The following CTTNBP2 variants were observed in gnomAD, a reference collection of about 807,000 sequenced individuals.
The protein encoded by CTTNBP2 is cortactin-binding protein 2.
A neutral mutation model predicts 156.9 loss-of-function variants in CTTNBP2; 108 were observed. That is an observed-to-expected ratio of 0.69 (90% confidence interval 0.59 to 0.81). The LOEUF (loss-of-function observed/expected upper bound fraction) is 0.81, where lower values mean the gene tolerates loss of function less well. CTTNBP2 is among the 30% of genes least tolerant of loss of function. The pLI is 0.00. For missense variants in CTTNBP2, 1,924 were observed against 2,035.4 expected (o/e 0.95, Z 1.05); for synonymous variants, 767 against 751.8 (o/e 1.02, Z -0.33).
rs117722492 is a variant in CTTNBP2 at position 117,832,269 on chromosome 7, G to A, written c.190-21280C>T. Among the ~76,000 whole-genome samples, 1,033 of 152,034 alleles carry A rather than the reference G, an allele frequency of 6.8e-3. 6 individuals carry two copies. Among genetic ancestry groups the A allele is most frequent in the Non-Finnish European group, 0.011 (772 of 67,992 alleles). ...TTAACCCCTCCTCTCCATCCCAGCCGCCACCATGCAACTCTATCCCTCAGC... is the reference window on the plus strand; with the variant it reads ...TTAACCCCTCCTCTCCATCCCAGCCACCACCATGCAACTCTATCCCTCAGC... On this transcript the variant is annotated intron_variant, in intron 2 of 22. Transcript: ENST00000160373.
chr7:117,734,893 C>T lies in CTTNBP2; in HGVS notation c.3876+20G>A. 1.3e-6 allele frequency: 2 copies of T among 1,560,988 alleles called. No individual in the cohort carries two copies. Among genetic ancestry groups the T allele is most frequent in the African/African-American group, 1.4e-5 (1 of 73,522 alleles). ...AAACCCCTGCTCTCCTGGCAACAGG[C>T]TGCACTTGCTGTTTGTTACCTTATT... is the stretch of plus-strand genomic sequence containing the variant. On this transcript the variant is annotated intron_variant, in intron 16 of 22. Transcript: ENST00000160373.
intron 2 of CTTNBP2, among the ~76,000 whole-genome samples, chr7:117,830,579 C>T (rs1801538715): frequency 6.6e-6 from 1 of 152,164 alleles, no homozygotes; most frequent in African/African-American, 2.4e-5. Flanking sequence ...AATTAGAAAG[C>T]CAAATACATA....
At chr7:117,854,803 G>C (rs1803176367) in intron 2 of CTTNBP2, among the ~76,000 whole-genome samples, 1 of 150,962 alleles carries the variant, frequency 6.6e-6, no homozygotes, top group Admixed American at 6.6e-5. Flanking sequence ...TTTATTTTTT[G>C]AGACAGAGTC....
At chr7:117,712,937 G>A (rs1301486005) in intron 22 of CTTNBP2, among the ~76,000 whole-genome samples, 1 of 152,170 alleles carries the variant, frequency 6.6e-6, no homozygotes, top group African/African-American at 2.4e-5. Context: ...CCAGTCCATG[G>A]CCTATTAATA....
chr7:117,797,417 T>C (rs1353878417), intron 3 of CTTNBP2, among the ~76,000 whole-genome samples: 1 of 152,060 alleles, frequency 6.6e-6, no homozygotes, highest in East Asian at 1.9e-4. Context: ...CAGTATACAA[T>C]AAGAAATTAC....
chr7:117,740,428 T>C (rs1259240010), intron 14 of CTTNBP2, among the ~76,000 whole-genome samples: 1 of 152,170 alleles, frequency 6.6e-6, no homozygotes, highest in Non-Finnish European at 1.5e-5. Flanking sequence ...CTGTGCTCAG[T>C]GGAAGACAGA....
intron 3 of CTTNBP2, among the ~76,000 whole-genome samples, chr7:117,799,829 G>C (rs1034493254): frequency 6.6e-6 from 1 of 151,998 alleles, no homozygotes; most frequent in African/African-American, 2.4e-5. Flanking sequence ...AGAATACAAT[G>C]TGAACATACA....
chr7:117,778,482 C>T (rs1234840425), intron 7 of CTTNBP2, among the ~76,000 whole-genome samples: 1 of 152,098 alleles, frequency 6.6e-6, no homozygotes, highest in Non-Finnish European at 1.5e-5. Context: ...AATAGAAGTC[C>T]TTTTTAGGGC....
chr7:117,798,662 T>A (rs1799452451), intron 3 of CTTNBP2, among the ~76,000 whole-genome samples: 1 of 152,034 alleles, frequency 6.6e-6, no homozygotes, highest in Non-Finnish European at 1.5e-5. Flanking sequence ...TCATCCTAGT[T>A]TCACCTTAAG....
rs182514728 is a variant in CTTNBP2 at position 117,823,494 on chromosome 7, C to T, written c.190-12505G>A. 7.5e-4 allele frequency among the ~76,000 whole-genome samples: 114 copies of T among 152,140 alleles called. 1 individual carries two copies. The highest frequency in any genetic ancestry group is 2.6e-3 in the African/African-American group (108 of 41,526). The stretch of plus-strand genomic sequence containing the variant: ...TATATTTGGTAATATCCTCACTTGC[C>T]TAATTTTCTTTGTATTTATTTTATC... On this transcript the variant is annotated intron_variant, in intron 2 of 22. Coordinates refer to ENST00000160373, the MANE Select transcript of CTTNBP2 (RefSeq NM_033427.3).
intron 5 of CTTNBP2, among the ~76,000 whole-genome samples, chr7:117,784,034 A>T (rs1160448055): frequency 6.6e-6 from 1 of 152,216 alleles, no homozygotes; most frequent in Non-Finnish European, 1.5e-5. Flanking sequence ...ATTACTTTTT[A>T]CTAGCTCTGG....
chr7:117,781,606 C>T lies in CTTNBP2; in HGVS notation c.2373-1015G>A, dbSNP rs571856710. On this transcript the variant is annotated intron_variant, in intron 6 of 22. Transcript: ENST00000160373. The stretch of plus-strand genomic sequence containing the variant: ...ACAAAAAATTATCTGGGTGTGGTGG[C>T]GTACACCTGTAGTCCCAGCTACTCG... 4.6e-4 allele frequency among the ~76,000 whole-genome samples: 70 copies of T among 152,256 alleles called. 1 individual carries two copies. The highest frequency in any genetic ancestry group is 5.0e-4 in the Non-Finnish European group (34 of 68,014).
intron 1 of CTTNBP2, among the ~76,000 whole-genome samples, chr7:117,872,871 T>TCC (rs1385488606): frequency 1.3e-5 from 2 of 151,628 alleles, no homozygotes; most frequent in Non-Finnish European, 2.9e-5. Context: ...ATGGCCCACC[T>TCC]CCCCCAAGCT....
intron 12 of CTTNBP2, among the ~76,000 whole-genome samples, chr7:117,749,586 G>C (rs990089249): frequency 3.3e-5 from 5 of 152,176 alleles, no homozygotes; most frequent in Admixed American, 1.3e-4. Flanking sequence ...AGGACCCGCA[G>C]TCTTCAGATG....
intron 19 of CTTNBP2, among the ~76,000 whole-genome samples, chr7:117,721,581 T>C (rs1432308032): frequency 6.6e-6 from 1 of 152,278 alleles, no homozygotes; most frequent in Non-Finnish European, 1.5e-5. Flanking sequence ...TAGTTTTTGA[T>C]ATGTGGCATT....
chr7:117,780,902 G>T (rs1173124208), intron 6 of CTTNBP2, among the ~76,000 whole-genome samples: 2 of 152,150 alleles, frequency 1.3e-5, no homozygotes, highest in Non-Finnish European at 1.5e-5. Context: ...AACTTACTGG[G>T]ATGAACGGTT....
intron 2 of CTTNBP2, among the ~76,000 whole-genome samples, chr7:117,846,820 T>C (rs182995211): frequency 1.6e-4 from 25 of 152,216 alleles, no homozygotes; most frequent in African/African-American, 5.8e-4. Context: ...TTCTTAAACA[T>C]TGTGACTTTT....
At chr7:117,775,339 T>G (rs547574312) in intron 8 of CTTNBP2, among the ~76,000 whole-genome samples, 3 of 152,160 alleles carry the variant, frequency 2.0e-5, no homozygotes, top group Non-Finnish European at 2.9e-5. Flanking sequence ...GGTCACATTT[T>G]CCTTGGACAA....
intron 1 of CTTNBP2, among the ~76,000 whole-genome samples, chr7:117,862,049 C>T (rs1266952087): frequency 6.6e-6 from 1 of 151,730 alleles, no homozygotes; most frequent in Non-Finnish European, 1.5e-5. Context: ...CCTCCCTCAC[C>T]AGCACATACA....
Sources: allele counts gnomAD v4.1 joint callset (sites outside exome capture counted in the v4.1 genomes callset), GRCh38; gene constraint gnomAD v4.1.1; transcripts MANE v1.5; gene names NCBI Gene and HGNC (gene_info 2026-07-23, HGNC 2026-07-21).